TMEM65: variants seen among roughly 807,000 people sequenced by gnomAD.
TMEM65 encodes the protein transmembrane protein 65.
A neutral mutation model predicts 25.4 loss-of-function variants in TMEM65; 22 were observed. The ratio of observed to expected loss-of-function variants is 0.86; its 90% CI spans 0.62 to 1.23. The LOEUF (loss-of-function observed/expected upper bound fraction) is 1.23. Ranked by LOEUF, TMEM65 falls within the 50% of genes most tolerant of loss-of-function variation. The probability of loss-of-function intolerance (pLI) is 0.00; values close to 1 mark genes in which losing one functional copy is unlikely to be tolerated. For missense variants in TMEM65, 262 were observed against 308.2 expected (o/e 0.85, Z 1.12); for synonymous variants, 132 against 126.2 (o/e 1.05, Z -0.31).
chr8:124,356,645 C>T (rs1814785858), intron 1 of TMEM65, among the ~76,000 whole-genome samples: 1 of 152,110 alleles, frequency 6.6e-6, no homozygotes, highest in Admixed American at 6.6e-5. Context: ...TAATGGACCC[C>T]ACACACACCT....
At chr8:124,369,960 C>T (rs1232998264) in intron 1 of TMEM65, among the ~76,000 whole-genome samples, 1 of 152,100 alleles carries the variant, frequency 6.6e-6, no homozygotes, top group East Asian at 1.9e-4. Flanking sequence ...TCTGACTAAC[C>T]ATTGTTTCAA....
intron 6 of TMEM65, among the ~76,000 whole-genome samples, chr8:124,314,273 T>C (rs190308961): frequency 7.1e-4 from 108 of 152,318 alleles, no homozygotes; most frequent in African/African-American, 2.4e-3. Flanking sequence ...TCCGTACCCC[T>C]GCATAGCCAC....
intron 1 of TMEM65, among the ~76,000 whole-genome samples, chr8:124,339,142 AG>A (rs1814549500): frequency 7.3e-6 from 1 of 137,502 alleles, no homozygotes; most frequent in African/African-American, 2.7e-5. Flanking sequence ...CAGTGAGCCC[AG>A]ATCGCACCAC....
chr8:124,325,192 T>C (rs925875696), intron 3 of TMEM65, among the ~76,000 whole-genome samples: 1 of 151,878 alleles, frequency 6.6e-6, no homozygotes, highest in Admixed American at 6.6e-5. Context: ...ATCAAATGTC[T>C]ATGGTATAAA....
intron 3 of TMEM65, among the ~76,000 whole-genome samples, chr8:124,325,397 C>T (rs1273421883): frequency 2.6e-5 from 4 of 151,900 alleles, no homozygotes; most frequent in Admixed American, 6.6e-5. Context: ...TTCTATATAA[C>T]GAAGCCTCAC....
In TMEM65 at chr8:124,357,987, G is replaced by T. The variant is rs898348108; in HGVS notation, c.304+13867C>A. 1.3e-5 allele frequency among the ~76,000 whole-genome samples: 2 copies of T among 151,594 alleles called. 1 individual carries two copies. Among genetic ancestry groups the T allele is most frequent in the Admixed American group, 1.3e-4 (2 of 15,210 alleles). On this transcript the variant is annotated intron_variant, in intron 1 of 6. Transcript: ENST00000297632. ...TTGGATTACAGGCACCTGCCACCAC[G>T]CCCAGCTAGTTTTTGTATTTTCAGT...
chr8:124,323,350 C>A lies in TMEM65; in HGVS notation c.443G>T (p.Gly148Val). Reference protein sequence around the residue: ...VAGTHIEMSIGIILGISTMAA... With the variant: ...VAGTHIEMSIVIILGISTMAA... ...CATAGTTGAAATTCCCAAAATAATTCCAATAGACATTTCAATATGGGTTCC... is the reference window on the plus strand; with the variant it reads ...CATAGTTGAAATTCCCAAAATAATTACAATAGACATTTCAATATGGGTTCC... Residue 148 changes from glycine to valine, a missense_variant, in exon 4 of 7, where the codon GGA becomes GTA. Coordinates refer to ENST00000297632, the MANE Select transcript of TMEM65 (RefSeq NM_194291.3). 1 of 1,505,202 alleles carries A rather than the reference C, an allele frequency of 6.6e-7. No individual in the cohort carries two copies. Among genetic ancestry groups the A allele is most frequent in the South Asian group, 1.2e-5 (1 of 81,836 alleles). 93.2% of individuals were successfully genotyped at this position (1,505,202 alleles called of 1,614,324 possible).
chr8:124,371,768 C>T, intron 1 of TMEM65, 86 bp downstream of exon 1: 6 of 1,348,266 alleles, frequency 4.5e-6, no homozygotes, highest in Non-Finnish European at 5.9e-6. Context: ...GGTCCAAGAT[C>T]CAGGGCCGCA....
rs1814126822 is a variant in TMEM65 at position 124,309,101 on chromosome 8, C to T, written c.*4859G>A. 1 of 152,204 alleles carries T rather than the reference C, an allele frequency of 6.6e-6. No homozygotes were observed. Among genetic ancestry groups the T allele is most frequent in the Admixed American group, 6.5e-5 (1 of 15,286 alleles). 9.4% of individuals were successfully genotyped at this position (152,204 alleles called of 1,614,324 possible). A position where few individuals can be genotyped will look rare whatever the true frequency, so the allele number is the denominator to read the frequency against. ...ACTTAATGAATAGTAAATGTATTTT[C>T]TCTTCCTGATGATTTTAATAACATT... On this transcript the variant is annotated 3_prime_UTR_variant, in exon 7 of 7. Coordinates refer to ENST00000297632, the MANE Select transcript of TMEM65 (RefSeq NM_194291.3).
At chr8:124,349,784 A>G (rs1221662880) in intron 1 of TMEM65, among the ~76,000 whole-genome samples, 1 of 152,136 alleles carries the variant, frequency 6.6e-6, no homozygotes, top group Admixed American at 6.5e-5. Context: ...AAAAGGCAAG[A>G]GCACTGACAG....
At chr8:124,368,455 G>A (rs1375587046) in intron 1 of TMEM65, among the ~76,000 whole-genome samples, 3 of 152,048 alleles carry the variant, frequency 2.0e-5, no homozygotes, top group Admixed American at 1.3e-4. Flanking sequence ...ACCTTCTGTA[G>A]TACTCTCCCA....
chr8:124,322,293 A>G (rs1040002609), intron 4 of TMEM65, 146 bp from the exon 5 acceptor site: 9 of 539,550 alleles, frequency 1.7e-5, no homozygotes, highest in Non-Finnish European at 2.6e-5. Context: ...GACAGCTCTT[A>G]CTCTCAAGGT....
chr8:124,324,725 G>A (rs1479520101), intron 3 of TMEM65, among the ~76,000 whole-genome samples: 2 of 152,016 alleles, frequency 1.3e-5, no homozygotes, highest in African/African-American at 4.8e-5. Context: ...ACAGCTGAAG[G>A]TCCTTCTAAC....
At chr8:124,322,228 G>A in intron 4 of TMEM65, 81 bp from the exon 5 acceptor site, 1 of 1,058,482 alleles carries the variant, frequency 9.4e-7, no homozygotes, top group South Asian at 1.6e-5. Context: ...CACTGATCTT[G>A]GAAGAGTTCT....
intron 1 of TMEM65, among the ~76,000 whole-genome samples, chr8:124,358,200 T>C (rs1415178522): frequency 2.0e-5 from 3 of 152,204 alleles, no homozygotes; most frequent in African/African-American, 7.2e-5. Flanking sequence ...CGCATCAGTA[T>C]ATTAATCTAT....
chr8:124,343,148 T>A (rs7819902), intron 1 of TMEM65, among the ~76,000 whole-genome samples: 136,863 of 152,122 alleles, frequency 0.9, 61,683 homozygotes, highest in East Asian at 1. Context: ...CAAATAAGGT[T>A]CTACAAACAC....
chr8:124,357,252 A>G (rs988139004), intron 1 of TMEM65, among the ~76,000 whole-genome samples: 3 of 151,582 alleles, frequency 2.0e-5, no homozygotes, highest in African/African-American at 7.3e-5. Flanking sequence ...CTTGACTCTT[A>G]CTCTGGAGCT....
At chr8:124,337,067 T>C (rs1020082094) in intron 1 of TMEM65, among the ~76,000 whole-genome samples, 1 of 151,812 alleles carries the variant, frequency 6.6e-6, no homozygotes, top group African/African-American at 2.4e-5. Context: ...AACTAGCAGA[T>C]TAAGCAAACA....
In TMEM65 at chr8:124,307,046, A is replaced by G. The variant is rs193137259; in HGVS notation, c.*6914T>C. On this transcript the variant is annotated 3_prime_UTR_variant, in exon 7 of 7. Coordinates refer to ENST00000297632, the MANE Select transcript of TMEM65 (RefSeq NM_194291.3). ...GAGACAAACATAAAGATGCAGTACTAAATTACAACTGGATAAGATTAACTA... is the reference window on the plus strand; with the variant it reads ...GAGACAAACATAAAGATGCAGTACTGAATTACAACTGGATAAGATTAACTA... The G allele has an allele frequency of 5.3e-5, 8 of 152,376 alleles. No homozygotes were observed. The allele number at this position is 152,376 out of a possible 1,614,324, so 9.4% of individuals were successfully genotyped here.
Sources: allele counts gnomAD v4.1 joint callset (sites outside exome capture counted in the v4.1 genomes callset), GRCh38; gene constraint gnomAD v4.1.1; transcripts MANE v1.5; gene names NCBI Gene and HGNC (gene_info 2026-07-23, HGNC 2026-07-21).